The following PARP8 variants were observed in gnomAD, a reference collection of about 807,000 sequenced individuals.
PARP8 encodes the protein protein mono-ADP-ribosyltransferase PARP8.
A neutral mutation model predicts 124.1 loss-of-function variants in PARP8; 51 were observed. That is an observed-to-expected ratio of 0.41 (90% CI 0.33 to 0.52). The LOEUF (loss-of-function observed/expected upper bound fraction) is 0.52, where lower values mean the gene tolerates loss of function less well. PARP8 is among the 20% of genes least tolerant of loss of function. The pLI, the probability that PARP8 is intolerant of heterozygous loss-of-function variation, is 0.21. For missense variants in PARP8, 860 were observed against 1,018.9 expected, an observed-to-expected ratio of 0.84 and a Z score of 2.12; for synonymous variants, 391 against 361.5, an observed-to-expected ratio of 1.08 and a Z score of -0.93.
chr5:50,712,864 G>C (rs1336990837), intron 2 of PARP8, among the ~76,000 whole-genome samples: 1 of 150,890 alleles, frequency 6.6e-6, no homozygotes, highest in African/African-American at 2.4e-5. Flanking sequence ...AAGTTTTGTT[G>C]CTAACATTAG....
chr5:50,785,695 A>G (rs1191957509), intron 9 of PARP8, among the ~76,000 whole-genome samples: 1 of 152,162 alleles, frequency 6.6e-6, no homozygotes, highest in Non-Finnish European at 1.5e-5. Flanking sequence ...GTTCTTAGGA[A>G]ACGAACTAAT....
At chr5:50,835,346 C>A (rs1367222022) in intron 25 of PARP8, among the ~76,000 whole-genome samples, 1 of 152,088 alleles carries the variant, frequency 6.6e-6, no homozygotes, top group Non-Finnish European at 1.5e-5. Flanking sequence ...AGTTTGAGAC[C>A]AGCCTGGCTA....
At chr5:50,682,636 C>T (rs994406197) in intron 2 of PARP8, among the ~76,000 whole-genome samples, 10 of 152,138 alleles carry the variant, frequency 6.6e-5, no homozygotes, top group South Asian at 2.1e-4. Context: ...TAATCTTTCC[C>T]CTGTAAAATT....
chr5:50,793,029 C>T (rs1343656428), intron 10 of PARP8, among the ~76,000 whole-genome samples: 1 of 152,108 alleles, frequency 6.6e-6, no homozygotes, highest in African/African-American at 2.4e-5. Flanking sequence ...AATATACGTA[C>T]TACTACTCTG....
intron 2 of PARP8, among the ~76,000 whole-genome samples, chr5:50,733,761 G>A (rs1368881508): frequency 6.6e-6 from 1 of 151,822 alleles, no homozygotes; most frequent in Admixed American, 6.6e-5. Flanking sequence ...TTTTTGTCAT[G>A]TGAGGCTTCA....
intron 3 of PARP8, among the ~76,000 whole-genome samples, chr5:50,758,569 G>A (rs1760207571): frequency 6.6e-6 from 1 of 152,272 alleles, no homozygotes; most frequent in South Asian, 2.1e-4. Context: ...ATCTTTTAAT[G>A]TGCATTCCCT....
intron 9 of PARP8, among the ~76,000 whole-genome samples, chr5:50,779,359 T>C (rs1479556025): frequency 6.6e-6 from 1 of 152,148 alleles, no homozygotes; most frequent in Non-Finnish European, 1.5e-5. Context: ...GCTTGCAGTC[T>C]CCCATGATTT....
At chr5:50,813,717 T>G (rs2149686593) in intron 14 of PARP8, among the ~76,000 whole-genome samples, 1 of 152,292 alleles carries the variant, frequency 6.6e-6, no homozygotes, top group Non-Finnish European at 1.5e-5. Context: ...AGTATGATAC[T>G]TGCTGTGGGT....
intron 2 of PARP8, among the ~76,000 whole-genome samples, chr5:50,692,357 T>G (rs1314507000): frequency 6.6e-6 from 1 of 152,144 alleles, no homozygotes; most frequent in Non-Finnish European, 1.5e-5. Flanking sequence ...AAGTCTTCCC[T>G]AAGACTCTCA....
intron 14 of PARP8, 130 bp from the exon 15 acceptor site, chr5:50,815,302 T>C: frequency 3.5e-6 from 2 of 573,446 alleles, no homozygotes; most frequent in Non-Finnish European, 5.8e-6. Context: ...CGTATTAAAA[T>C]GGTATGATTT....
intron 2 of PARP8, among the ~76,000 whole-genome samples, chr5:50,707,534 C>A (rs775285592): frequency 1.3e-5 from 2 of 151,150 alleles, no homozygotes; most frequent in Non-Finnish European, 2.9e-5. Context: ...CTTTTAAAAT[C>A]TGAATGTAAT....
chr5:50,748,045 T>C (rs1348822088), intron 2 of PARP8, among the ~76,000 whole-genome samples: 1 of 152,138 alleles, frequency 6.6e-6, no homozygotes, highest in African/African-American at 2.4e-5. Context: ...AAGTTATTGA[T>C]ATGATTAGAT....
intron 2 of PARP8, among the ~76,000 whole-genome samples, chr5:50,738,364 T>C: frequency 6.6e-6 from 1 of 152,236 alleles, no homozygotes; most frequent in East Asian, 1.9e-4. Flanking sequence ...CAATTGTTTT[T>C]AGATCATGAC....
At chr5:50,748,763 C>T (rs572184140) in intron 2 of PARP8, among the ~76,000 whole-genome samples, 18 of 152,156 alleles carry the variant, frequency 1.2e-4, no homozygotes, top group African/African-American at 4.3e-4. Context: ...TAGAATGTTT[C>T]CTTACATTTG....
intron 14 of PARP8, among the ~76,000 whole-genome samples, chr5:50,806,898 T>C (rs1485111262): frequency 6.6e-6 from 1 of 152,134 alleles, no homozygotes; most frequent in Non-Finnish European, 1.5e-5. Context: ...TTGACCATTA[T>C]TGAGCCCATC....
intron 2 of PARP8, among the ~76,000 whole-genome samples, chr5:50,691,579 A>G (rs931720568): frequency 2.0e-5 from 3 of 152,060 alleles, no homozygotes; most frequent in Non-Finnish European, 2.9e-5. Context: ...CACTCCATAC[A>G]TCCGGAAATC....
At chr5:50,787,911 A>G (rs1043637260) in intron 9 of PARP8, among the ~76,000 whole-genome samples, 1 of 150,070 alleles carries the variant, frequency 6.7e-6, no homozygotes, top group African/African-American at 2.4e-5. Context: ...ATATATGTAT[A>G]TATGTTATAT....
chr5:50,802,391 T>C (rs1032209901), intron 14 of PARP8, among the ~76,000 whole-genome samples: 2 of 152,336 alleles, frequency 1.3e-5, no homozygotes, highest in Non-Finnish European at 2.9e-5. Context: ...CATAGCTCAC[T>C]GAAGCCTCCA....
intron 2 of PARP8, among the ~76,000 whole-genome samples, chr5:50,736,290 T>C (rs1269343354): frequency 6.6e-6 from 1 of 152,168 alleles, no homozygotes; most frequent in Non-Finnish European, 1.5e-5. Context: ...TTAACAGAGA[T>C]GGGGTTATAG....
Sources: gnomAD v4.1 joint callset for allele counts (sites outside exome capture counted in the v4.1 genomes callset) on GRCh38, gnomAD v4.1.1 for gene constraint, MANE v1.5 for transcripts, NCBI Gene and HGNC (gene_info 2026-07-23, HGNC 2026-07-21) for gene names.